VAV2: variants seen among roughly 807,000 people sequenced by gnomAD.
The protein encoded by VAV2 is vav guanine nucleotide exchange factor 2.
In VAV2, 67 loss-of-function variants were observed where a neutral mutation model predicts 132.5. That is an observed-to-expected ratio of 0.51 (90% CI 0.42 to 0.62). The LOEUF (loss-of-function observed/expected upper bound fraction) is 0.62, where lower values mean the gene tolerates loss of function less well. Among genes scored for constraint, VAV2 ranks in the 20% least tolerant of loss-of-function variants. VAV2 has a pLI of 0.00. For missense variants in VAV2, 938 were observed against 1,153.6 expected, an observed-to-expected ratio of 0.81 and a Z score of 2.71; for synonymous variants, 492 against 443.5, an observed-to-expected ratio of 1.11 and a Z score of -1.37.
intron 3 of VAV2, among the ~76,000 whole-genome samples, chr9:133,841,169 G>GA (rs1836707001): frequency 6.6e-6 from 1 of 152,104 alleles, no homozygotes. Flanking sequence ...GTGCTTCCAT[G>GA]AGGACTGTGG....
intron 6 of VAV2, 47 bp from the exon 7 acceptor site, chr9:133,809,185 C>T (rs1364320188): frequency 5.9e-6 from 9 of 1,529,008 alleles, no homozygotes; most frequent in African/African-American, 1.4e-5. Flanking sequence ...GGCCCGGCCA[C>T]CTGCCACCTG....
chr9:133,975,853 C>T (rs1049901620), intron 1 of VAV2, among the ~76,000 whole-genome samples: 3 of 152,098 alleles, frequency 2.0e-5, no homozygotes, highest in Non-Finnish European at 4.4e-5. Flanking sequence ...GGAAGGCAGA[C>T]GGGTCTCCTC....
At chr9:133,987,813 T>C (rs796702393) in intron 1 of VAV2, among the ~76,000 whole-genome samples, 7 of 152,320 alleles carry the variant, frequency 4.6e-5, no homozygotes, top group African/African-American at 1.7e-4. Context: ...CCATACCCAA[T>C]TAGTTTAATT....
rs951705172 is a variant in VAV2 at position 133,991,803 on chromosome 9, C to T, written c.204+272G>A. Among the ~76,000 whole-genome samples the T allele has an allele frequency of 6.6e-6, 1 of 151,074 alleles. No individual in the cohort carries two copies. Among genetic ancestry groups the T allele is most frequent in the African/African-American group, 2.4e-5 (1 of 41,330 alleles). On this transcript the variant is annotated intron_variant, in intron 1 of 29. Coordinates refer to ENST00000371850, the MANE Select transcript of VAV2 (RefSeq NM_001134398.2). The surrounding 1 kb of genome is among the most constrained non-coding windows in gnomAD (Gnocchi z 4.8). ...GCGCCGGAGCCTCCCCCATCCCAGGCCGCGCAGACCGCGGAACCGGCGCAC... is the reference window on the plus strand; with the variant it reads ...GCGCCGGAGCCTCCCCCATCCCAGGTCGCGCAGACCGCGGAACCGGCGCAC...
intron 2 of VAV2, among the ~76,000 whole-genome samples, chr9:133,901,942 C>T (rs567865107): frequency 1.1e-4 from 16 of 152,320 alleles, no homozygotes; most frequent in African/African-American, 3.6e-4. Flanking sequence ...GACGTCCCTA[C>T]CATGCACCTC....
At chr9:133,767,666 C>A (rs1303523188) in intron 29 of VAV2, among the ~76,000 whole-genome samples, 1 of 152,160 alleles carries the variant, frequency 6.6e-6, no homozygotes, top group Non-Finnish European at 1.5e-5. Context: ...AAGGGGCAGA[C>A]TGATAGGTGA....
intron 3 of VAV2, among the ~76,000 whole-genome samples, chr9:133,835,097 CTCT>C (rs1836416883): frequency 6.6e-6 from 1 of 152,178 alleles, no homozygotes; most frequent in South Asian, 2.1e-4. Context: ...ATCATCTGGG[CTCT>C]TCTTGAGTCT....
At chr9:133,837,204 AG>A (rs1246195207) in intron 3 of VAV2, among the ~76,000 whole-genome samples, 3 of 152,204 alleles carry the variant, frequency 2.0e-5, no homozygotes, top group Non-Finnish European at 2.9e-5. Context: ...CTCTGTACTT[AG>A]GGGGGCCCAA....
chr9:133,853,116 G>C (rs1282238993), intron 3 of VAV2, among the ~76,000 whole-genome samples: 1 of 152,242 alleles, frequency 6.6e-6, no homozygotes, highest in Admixed American at 6.5e-5. Flanking sequence ...AGCCGTGGCA[G>C]GCCCAGGACA....
intron 6 of VAV2, among the ~76,000 whole-genome samples, chr9:133,809,526 T>C (rs913497654): frequency 6.6e-6 from 1 of 152,234 alleles, no homozygotes; most frequent in Non-Finnish European, 1.5e-5. Flanking sequence ...ACACCTACTG[T>C]GTGCATAAGT....
chr9:133,849,929 T>C (rs1014300697), intron 3 of VAV2, among the ~76,000 whole-genome samples: 4 of 152,202 alleles, frequency 2.6e-5, no homozygotes, highest in Non-Finnish European at 5.9e-5. Flanking sequence ...CTTTATCCAA[T>C]ACAGTCCCAT....
chr9:133,768,126 G>A lies in VAV2; in HGVS notation c.2589+316C>T, dbSNP rs1345449776. 6.6e-6 allele frequency among the ~76,000 whole-genome samples: 1 copy of A among 152,122 alleles called. No homozygotes were observed. Among genetic ancestry groups the A allele is most frequent in the Non-Finnish European group, 1.5e-5 (1 of 68,022 alleles). On this transcript the variant is annotated intron_variant, in intron 29 of 29. Transcript: ENST00000371850. This position sits in a 1 kb window ranked among gnomAD's most constrained non-coding sequence, Gnocchi z 5.3. ...GAGCTTGGGGACTTGCAAGTAATTT[G>A]GCGAGTGCAGCTATGAGGGCAGCCC...
At chr9:133,983,550 C>T (rs1241654258) in intron 1 of VAV2, among the ~76,000 whole-genome samples, 3 of 152,140 alleles carry the variant, frequency 2.0e-5, no homozygotes, top group Non-Finnish European at 2.9e-5. Context: ...ACTCTCACGG[C>T]GGCCCCCACA....
Position 133,804,491 on chromosome 9 carries a change from G to A in VAV2, c.836+1590C>T, listed in dbSNP as rs73553934. 0.054 allele frequency among the ~76,000 whole-genome samples: 8,153 copies of A among 152,238 alleles called. 762 individuals carry two copies. The highest frequency in any genetic ancestry group is 0.19 in the African/African-American group (7,773 of 41,522). On this transcript the variant is annotated intron_variant, in intron 9 of 29. Coordinates refer to ENST00000371850, the MANE Select transcript of VAV2 (RefSeq NM_001134398.2). The surrounding 1 kb of genome is among the most constrained non-coding windows in gnomAD (Gnocchi z 4.5). ...GTGGGACAGGGCCAGGGGTGTCGCCGGGCAGCCTGACTGTGGAGGGAGGCT... is the reference window on the plus strand; with the variant it reads ...GTGGGACAGGGCCAGGGGTGTCGCCAGGCAGCCTGACTGTGGAGGGAGGCT...
chr9:133,849,588 A>G (rs1445619523), intron 3 of VAV2, among the ~76,000 whole-genome samples: 1 of 152,188 alleles, frequency 6.6e-6, no homozygotes, highest in African/African-American at 2.4e-5. Flanking sequence ...TGGGGGCTTA[A>G]AACAACAGAA....
At chr9:133,785,979 C>T (rs375622073) in intron 16 of VAV2, 94 bp from the exon 17 acceptor site, 13 of 1,132,002 alleles carry the variant, frequency 1.1e-5, no homozygotes, top group African/African-American at 7.9e-5. Flanking sequence ...AGCATGTGCA[C>T]GTGTGTATAT....
At chr9:133,954,840 C>T (rs503376) in intron 1 of VAV2, among the ~76,000 whole-genome samples, 1 of 151,928 alleles carries the variant, frequency 6.6e-6, no homozygotes, top group Admixed American at 6.5e-5. Context: ...GTCTGCATTA[C>T]GATAAATAAA....
rs538662910 is a variant in VAV2 at position 133,983,502 on chromosome 9, C to T, written c.204+8573G>A. On this transcript the variant is annotated intron_variant, in intron 1 of 29. Transcript: ENST00000371850. ...CACCGCCCTGAGGCCAGGGCCCCGA[C>T]CCATCTCCAAGTCCCAAACCGCAGG... Among the ~76,000 whole-genome samples the T allele has an allele frequency of 3.3e-5, 5 of 152,286 alleles. No individual in the cohort carries two copies. In the South Asian group the frequency reaches 1.0e-3, roughly 32 times the overall value.
intron 3 of VAV2, among the ~76,000 whole-genome samples, chr9:133,844,839 A>G (rs1313722327): frequency 6.6e-6 from 1 of 152,226 alleles, no homozygotes; most frequent in Non-Finnish European, 1.5e-5. Flanking sequence ...GGGTCTGCCC[A>G]AGCTTCCAGA....
Sources: gnomAD v4.1 joint callset for allele counts (sites outside exome capture counted in the v4.1 genomes callset) on GRCh38, gnomAD v4.1.1 for gene constraint, Gnocchi (gnomAD v3.1) non-coding constraint, MANE v1.5 for transcripts, NCBI Gene and HGNC (gene_info 2026-07-23, HGNC 2026-07-21) for gene names.